The following CBR1 variants were observed in gnomAD, a reference collection of about 807,000 sequenced individuals.
CBR1 encodes the protein carbonyl reductase [NADPH] 1.
A neutral mutation model predicts 10.6 loss-of-function variants in CBR1; 11 were observed. The ratio of observed to expected loss-of-function variants is 1.03; its 90% CI spans 0.65 to 1.71. The LOEUF (loss-of-function observed/expected upper bound fraction) is 1.71, where lower values mean the gene tolerates loss of function less well. Among genes scored for constraint, CBR1 ranks in the 40% most tolerant of loss-of-function variants. The pLI is 0.00. For missense variants in CBR1, 361 were observed against 368.6 expected, an observed-to-expected ratio of 0.98 and a Z score of 0.17; for synonymous variants, 158 against 156.7, an observed-to-expected ratio of 1.01 and a Z score of -0.06.
chr21:36,071,363 GT>G, intron 2 of CBR1: 1 of 609,812 alleles, frequency 1.6e-6, no homozygotes, highest in Non-Finnish European at 2.9e-6. Flanking sequence ...TCCCCTCTGC[GT>G]GGGAGTCCAT....
At position 36,070,221 on chromosome 21, in the gene CBR1, A is replaced by G; in HGVS notation, c.106A>G (p.Thr36Ala). 1 of 1,608,806 alleles carries G rather than the reference A, an allele frequency of 6.2e-7. No homozygotes were observed. Among genetic ancestry groups the G allele is most frequent in the Non-Finnish European group, 8.5e-7 (1 of 1,178,644 alleles). ...GCTGTTCTCGGGGGACGTGGTGCTC[A>G]CGGCGCGGGACGTGACGCGGGGCCA... ...CRLFSGDVVL[T>A]ARDVTRGQAA... The change falls in exon 1 of 3, where the codon ACG (threonine) becomes GCG (alanine). Residue 36 changes from threonine (T) to alanine (A), a missense_variant. Thr to Ala is a moderately conservative substitution (Grantham distance 58). Transcript: ENST00000290349.
At chr21:36,072,103 G>A (rs1025280728) in intron 2 of CBR1, 1 of 1,499,592 alleles carries the variant, frequency 6.7e-7, no homozygotes, top group East Asian at 2.5e-5. Context: ...GTGTGGCTTC[G>A]AGTTGGGTAC....
rs777825300 is a variant in CBR1, at chr21:36,073,038, G to A, written c.*156G>A. 4 of 505,614 alleles carry A rather than the reference G, an allele frequency of 7.9e-6. No individual in the cohort carries two copies. Among genetic ancestry groups the A allele is most frequent in the Admixed American group, 3.6e-5 (1 of 27,876 alleles). 31.3% of individuals were successfully genotyped at this position (505,614 alleles called of 1,614,324 possible). On this transcript the variant is annotated 3_prime_UTR_variant, in exon 3 of 3. Coordinates refer to ENST00000290349, the MANE Select transcript of CBR1 (RefSeq NM_001757.4). ...ATGTACTACTAATTGAGCAACCTAC[G>A]CACTCAGTTGACTACGTAAATCTGT...
chr21:36,070,497 A>G (rs1413391346), intron 1 of CBR1, 93 bp downstream of exon 1: 5 of 1,277,998 alleles, frequency 3.9e-6, no homozygotes, highest in Non-Finnish European at 4.2e-6. Context: ...TAGGGAGGAG[A>G]GGGAGGAGCT....
chr21:36,071,965 T>C, intron 2 of CBR1: 1 of 1,535,994 alleles, frequency 6.5e-7, no homozygotes, highest in Non-Finnish European at 8.7e-7. Context: ...CTGAAGGTGC[T>C]GGACATGACT....
At position 36,073,148 on chromosome 21, in the gene CBR1, A is replaced by G. The variant is rs2065366613; in HGVS notation, c.*266A>G. The stretch of plus-strand genomic sequence containing the variant: ...TGAATGAAAATCAACAGATGAATAA[A>G]TGGTTCTTTATAAGTGTCCATTTGT... On this transcript the variant is annotated 3_prime_UTR_variant, in exon 3 of 3. Transcript: ENST00000290349. 2.9e-6 allele frequency: 1 copy of G among 348,096 alleles called. No homozygotes were observed. The highest frequency in any genetic ancestry group is 5.2e-6 in the Non-Finnish European group (1 of 191,652). 21.6% of individuals were successfully genotyped at this position (348,096 alleles called of 1,614,324 possible).
rs1568956193 is a variant in CBR1, at chr21:36,070,118, GT to G, written c.4del (p.Ser2ArgfsTer6). 11 of 1,513,486 alleles carry G rather than the reference GT, an allele frequency of 7.3e-6. No homozygotes were observed. In the Admixed American group the frequency reaches 2.0e-4, roughly 28 times the overall value. The allele number at this position is 1,513,486 out of a possible 1,614,324, so 93.8% of individuals were successfully genotyped here. A position where few individuals can be genotyped will look rare whatever the true frequency, so the allele number is the denominator to read the frequency against. On this transcript the variant is annotated frameshift_variant, in exon 1 of 3. Coordinates refer to ENST00000290349, the MANE Select transcript of CBR1 (RefSeq NM_001757.4). LOFTEE classifies it high-confidence loss of function. ...TGTTCCGCGCGCCCCGTTCAGCCAT[GT>G]CGTCCGGCATCCATGTAGCGCTGGT... The part of the protein sequence containing the change: M[S>X]SGIHVALVTG...
chr21:36,070,289 C>T lies in CBR1; in HGVS notation c.174C>T (p.Arg58=). The change falls in exon 1 of 3, where the codon CGC becomes CGT. Residue 58 remains arginine, a synonymous_variant. Transcript: ENST00000290349. ...QQLQAEGLSP[R]FHQLDIDDLQ... is the part of the protein sequence containing the mutation. The stretch of plus-strand genomic sequence containing the variant: ...TGCAGGCGGAGGGCCTGAGCCCGCG[C>T]TTCCACCAGCTGGACATCGACGATC... The T allele has an allele frequency of 6.2e-7, 1 of 1,612,908 alleles. No homozygotes were observed. The highest frequency in any genetic ancestry group is 8.5e-7 in the Non-Finnish European group (1 of 1,179,924).
In CBR1 at chr21:36,072,924, T is replaced by C. The variant is rs752049883; in HGVS notation, c.*42T>C. On this transcript the variant is annotated 3_prime_UTR_variant, in exon 3 of 3. Transcript: ENST00000290349. ...CATCCATGGGCCCCATTTTGTACCT[T>C]GTCCTGAGTTGGTCCAAAGGGCATT... 2.6e-5 allele frequency: 36 copies of C among 1,408,434 alleles called. No homozygotes were observed. The highest frequency in any genetic ancestry group is 3.1e-5 in the Non-Finnish European group (32 of 1,023,780). 87.2% of individuals were successfully genotyped at this position (1,408,434 alleles called of 1,614,324 possible). A position where few individuals can be genotyped will look rare whatever the true frequency, so the allele number is the denominator to read the frequency against.
At chr21:36,072,303 T>G in intron 2 of CBR1, 143 bp from the exon 3 acceptor site, 3 of 1,561,122 alleles carry the variant, frequency 1.9e-6, no homozygotes, top group Non-Finnish European at 2.6e-6. Flanking sequence ...CCACACTTTC[T>G]ATGCGTATTC....
Position 36,070,151 on chromosome 21 carries a change from A to G in CBR1, c.36A>G (p.Gly12=), listed in dbSNP as rs760249754. The G allele has an allele frequency of 2.5e-6, 4 of 1,571,494 alleles. No individual in the cohort carries two copies. In the Admixed American group the frequency reaches 7.5e-5, roughly 29 times the overall value. Residue 12 remains glycine (G), a synonymous_variant, in exon 1 of 3, where the codon GGA becomes GGG. Coordinates refer to ENST00000290349, the MANE Select transcript of CBR1 (RefSeq NM_001757.4). ...GCATCCATGTAGCGCTGGTGACTGG[A>G]GGCAACAAGGGCATCGGCTTGGCCA... ...SSGIHVALVT[G]GNKGIGLAIV...
chr21:36,071,750 TG>T, intron 2 of CBR1: 1 of 1,152,616 alleles, frequency 8.7e-7, no homozygotes. Context: ...CCTGTCCCTC[TG>T]GACAATTGCA....
In CBR1 at chr21:36,072,987, G is replaced by C. The variant is rs898966309; in HGVS notation, c.*105G>C. 3 of 753,602 alleles carry C rather than the reference G, an allele frequency of 4.0e-6. No individual in the cohort carries two copies. The African/African-American group carries it at 5.3e-5, about 13-fold the overall frequency. 46.7% of individuals were successfully genotyped at this position (753,602 alleles called of 1,614,324 possible). A position where few individuals can be genotyped will look rare whatever the true frequency, so the allele number is the denominator to read the frequency against. On this transcript the variant is annotated 3_prime_UTR_variant, in exon 3 of 3. Transcript: ENST00000290349. ...AATATCCTTATATAAGAAAAAAAAT[G>C]ATCTCTTATCAATTAGCACTCACTA...
Position 36,070,363 on chromosome 21 carries a change from G to C in CBR1, c.248G>C (p.Gly83Ala). ...LRDFLRKEYG[G>A]LDVLVNNAGI... ...GACTTCCTGCGCAAGGAGTACGGGG[G>C]CCTGGACGTGCTGGTCAACAACGCG... Residue 83 changes from glycine (G) to alanine (A), a missense_variant, in exon 1 of 3, where the codon GGC becomes GCC. By Grantham distance (60) the Gly-to-Ala change is moderately conservative (BLOSUM62 0). Coordinates refer to ENST00000290349, the MANE Select transcript of CBR1 (RefSeq NM_001757.4). 1 of 1,612,202 alleles carries C rather than the reference G, an allele frequency of 6.2e-7. No individual in the cohort carries two copies.
At chr21:36,071,309 C>G in intron 2 of CBR1, 1 of 652,924 alleles carries the variant, frequency 1.5e-6, no homozygotes, top group Non-Finnish European at 2.8e-6. Context: ...TCCTTCAGGT[C>G]TTAGCTCAAA....
At position 36,072,219 on chromosome 21, in the gene CBR1, G is replaced by C. The variant is rs41547112; in HGVS notation, c.398-227G>C. ...TGGTTCACCAGGACCTCAAAGGGCA[G>C]CTCTTCCAAATCTCACCTGACTCTA... On this transcript the variant is annotated intron_variant, in intron 2 of 2. Coordinates refer to ENST00000290349, the MANE Select transcript of CBR1 (RefSeq NM_001757.4). 10,377 of 1,550,608 alleles carry C rather than the reference G, an allele frequency of 6.7e-3. 451 individuals are homozygous for C. The African/African-American group carries it at 0.1, about 15-fold the overall frequency.
At chr21:36,072,134 C>T (rs747966512) in intron 2 of CBR1, 32 of 1,532,194 alleles carry the variant, frequency 2.1e-5, no homozygotes, top group Non-Finnish European at 2.6e-5. Context: ...AGCTTACTCT[C>T]AGCTTTTATC....
intron 1 of CBR1, 63 bp from the exon 2 acceptor site, chr21:36,070,883 TATCA>T: frequency 1.0e-5 from 9 of 875,736 alleles, no homozygotes; most frequent in South Asian, 6.8e-5. Context: ...TTTTTTTTAG[TATCA>T]TTGTATAGAA....
intron 2 of CBR1, chr21:36,071,777 C>T: frequency 7.0e-7 from 1 of 1,429,328 alleles, no homozygotes; most frequent in South Asian, 1.2e-5. Flanking sequence ...TCACAAGGCA[C>T]CTCTGGTCTT....
Sources: allele counts gnomAD v4.1 joint callset, GRCh38; gene constraint gnomAD v4.1.1; transcripts MANE v1.5; gene names NCBI Gene and HGNC (gene_info 2026-07-23, HGNC 2026-07-21).